The following CDH13 variants were observed in gnomAD, a reference collection of about 807,000 sequenced individuals.
CDH13 encodes cadherin-13.
CDH13 carries 24 observed loss-of-function variants against 63.8 expected under a neutral mutation model. The ratio of observed to expected loss-of-function variants is 0.38; its 90% CI spans 0.27 to 0.53. CDH13 has a LOEUF of 0.53. Ranked by LOEUF, CDH13 falls within the 20% of genes least tolerant of loss-of-function variation. The pLI is 0.85. For synonymous variants in CDH13, 503 were observed against 355.3 expected (o/e 1.42, Z -4.67); for missense variants, 1,049 against 903.1 (o/e 1.16, Z -2.07).
At chr16:83,061,288 G>A (rs771882457) in intron 3 of CDH13, among the ~76,000 whole-genome samples, 16 of 152,152 alleles carry the variant, frequency 1.1e-4, no homozygotes, top group Middle Eastern at 3.2e-3. Flanking sequence ...TGACTCTAAT[G>A]GTAGACAATT....
chr16:83,166,364 C>G (rs1003984857), intron 4 of CDH13, among the ~76,000 whole-genome samples: 2 of 152,068 alleles, frequency 1.3e-5, no homozygotes, highest in African/African-American at 2.4e-5. Context: ...GAGGACCTCT[C>G]GGCCCAGACA....
intron 7 of CDH13, among the ~76,000 whole-genome samples, chr16:83,535,033 A>G (rs370026623): frequency 6.6e-6 from 1 of 152,254 alleles, no homozygotes; most frequent in East Asian, 1.9e-4. Flanking sequence ...TTCTTTTGCC[A>G]TATAAGGTAA....
At chr16:83,647,869 G>C (rs1460684038) in intron 8 of CDH13, among the ~76,000 whole-genome samples, 1 of 152,106 alleles carries the variant, frequency 6.6e-6, no homozygotes, top group African/African-American at 2.4e-5. Flanking sequence ...TGATAGCCAC[G>C]ATCCCCATTA....
intron 8 of CDH13, among the ~76,000 whole-genome samples, chr16:83,620,913 A>C (rs1449327342): frequency 6.6e-6 from 1 of 152,138 alleles, no homozygotes; most frequent in Admixed American, 6.5e-5. Flanking sequence ...TCTGTCCAAC[A>C]TGCCCCAGAC....
At chr16:82,734,551 C>T (rs1033071118) in intron 1 of CDH13, among the ~76,000 whole-genome samples, 4 of 152,140 alleles carry the variant, frequency 2.6e-5, no homozygotes, top group African/African-American at 7.2e-5. Context: ...GGAGGACTCT[C>T]GCTCTTTGTG....
intron 4 of CDH13, among the ~76,000 whole-genome samples, chr16:83,213,989 G>T (rs2039417286): frequency 6.6e-6 from 1 of 152,082 alleles, no homozygotes; most frequent in African/African-American, 2.4e-5. Flanking sequence ...TCTGTAAAGT[G>T]GGCCAATCAG....
intron 1 of CDH13, among the ~76,000 whole-genome samples, chr16:82,846,391 A>C (rs985711603): frequency 7.9e-5 from 12 of 152,118 alleles, no homozygotes; most frequent in African/African-American, 2.9e-4. Context: ...AATATAAATA[A>C]TAACTAGCAC....
chr16:83,758,112 A>C (rs1021706911), intron 11 of CDH13, among the ~76,000 whole-genome samples: 3 of 152,156 alleles, frequency 2.0e-5, no homozygotes, highest in Admixed American at 2.0e-4. Context: ...CTTGAAAACC[A>C]AAAAGAAAAC....
rs1567542210 is a variant in CDH13, at chr16:83,254,955, CTTTCTTTCTTT to C, written c.636+37459_636+37469del. Among the ~76,000 whole-genome samples, 70 of 2,680 alleles carry C rather than the reference CTTTCTTTCTTT, an allele frequency of 0.026. No individual in the cohort carries two copies. The East Asian group carries it at 0.3, about 11-fold the overall frequency. The allele number at this position is 2,680 out of a possible 152,430, so 1.8% of individuals were successfully genotyped here. On this transcript the variant is annotated intron_variant, in intron 5 of 13. Transcript: ENST00000567109. Reference sequence around the variant, plus strand: ...TCTTGGATTTTTTCTTTTTCTCTTTCTTTCTTTCTTTCTTTCTTTCTTTCTTTCTTTCTTTC... The same window carrying C: ...TCTTGGATTTTTTCTTTTTCTCTTTCCTTTCTTTCTTTCTTTCTTTCTTTC...
At chr16:82,984,465 C>T (rs1221238569) in intron 2 of CDH13, among the ~76,000 whole-genome samples, 3 of 152,164 alleles carry the variant, frequency 2.0e-5, no homozygotes, top group Admixed American at 2.0e-4. Context: ...CTTCTCAGAA[C>T]CTCAGATTTC....
At chr16:83,731,381 A>G (rs1911029217) in intron 10 of CDH13, among the ~76,000 whole-genome samples, 1 of 152,056 alleles carries the variant, frequency 6.6e-6, no homozygotes. Context: ...ATGGTATCTC[A>G]TTGTGGTTTT....
At chr16:83,664,005 A>AG (rs1913696624) in intron 8 of CDH13, among the ~76,000 whole-genome samples, 1 of 151,992 alleles carries the variant, frequency 6.6e-6, no homozygotes. Flanking sequence ...TACAAAAAAA[A>AG]AAAAAAAATT....
intron 1 of CDH13, among the ~76,000 whole-genome samples, chr16:82,827,095 G>A (rs1398059701): frequency 6.6e-6 from 1 of 152,128 alleles, no homozygotes; most frequent in African/African-American, 2.4e-5. Flanking sequence ...TCTTAATTCA[G>A]GCAACACAGC....
chr16:83,787,263 T>C (rs1915948018), intron 13 of CDH13, among the ~76,000 whole-genome samples: 2 of 152,244 alleles, frequency 1.3e-5, no homozygotes, highest in South Asian at 4.1e-4. Context: ...GCCAGGTGGC[T>C]TTGTGGGCCA....
chr16:83,708,357 C>T (rs1223544175), intron 10 of CDH13, among the ~76,000 whole-genome samples: 7 of 152,170 alleles, frequency 4.6e-5, no homozygotes, highest in Non-Finnish European at 7.3e-5. Flanking sequence ...ATGGCATTAG[C>T]CAGAGGAGGT....
chr16:83,087,868 G>A (rs1278976404), intron 3 of CDH13, among the ~76,000 whole-genome samples: 2 of 152,064 alleles, frequency 1.3e-5, no homozygotes, highest in East Asian at 1.9e-4. Context: ...GGGTTGTCTA[G>A]CAAGATGGTT....
intron 6 of CDH13, among the ~76,000 whole-genome samples, chr16:83,418,385 A>AT (rs199713988): frequency 1.8e-4 from 28 of 152,090 alleles, no homozygotes; most frequent in Non-Finnish European, 2.8e-4. Context: ...GAAGCATGAG[A>AT]TTTTTTTTCC....
At chr16:83,031,879 A>C in intron 2 of CDH13, 131 bp from the exon 3 acceptor site, 1 of 714,996 alleles carries the variant, frequency 1.4e-6, no homozygotes, top group East Asian at 2.7e-5. Flanking sequence ...TTGCTGTGGG[A>C]TAAAACGTAA....
At chr16:82,785,168 G>A (rs1019393771) in intron 1 of CDH13, among the ~76,000 whole-genome samples, 1 of 152,086 alleles carries the variant, frequency 6.6e-6, no homozygotes, top group African/African-American at 2.4e-5. Context: ...CAGTTGAAAC[G>A]GAGAGACATA....
Sources: gnomAD v4.1 joint callset for allele counts (sites outside exome capture counted in the v4.1 genomes callset) on GRCh38, gnomAD v4.1.1 for gene constraint, MANE v1.5 for transcripts, NCBI Gene and HGNC (gene_info 2026-07-23, HGNC 2026-07-21) for gene names.